Variants in PRKG1 observed in about 807,000 individuals in gnomAD.
PRKG1 encodes cGMP-dependent protein kinase 1.
In PRKG1, 35 loss-of-function variants were observed where a neutral mutation model predicts 88.1. That is an observed-to-expected ratio of 0.40 (90% CI 0.30 to 0.53). PRKG1 has a LOEUF of 0.53. Among genes scored for constraint, PRKG1 ranks in the 20% least tolerant of loss-of-function variants. The pLI is 0.59. For synonymous variants in PRKG1, 303 were observed against 292.5 expected (o/e 1.04, Z -0.37); for missense variants, 540 against 839.8 (o/e 0.64, Z 4.41).
intron 3 of PRKG1, among the ~76,000 whole-genome samples, chr10:51,727,110 T>C (rs1421811385): frequency 6.6e-6 from 1 of 151,894 alleles, no homozygotes; most frequent in African/African-American, 2.4e-5. Flanking sequence ...ACTTCTCAAA[T>C]AAATTCCTCT....
chr10:52,234,278 G>A (rs528927642), intron 9 of PRKG1, among the ~76,000 whole-genome samples: 171 of 152,342 alleles, frequency 1.1e-3, no homozygotes, highest in African/African-American at 3.7e-3. Context: ...CCAAAGGAAC[G>A]CAGTTCCTCA....
chr10:51,053,786 T>G (rs1474524540), intron 1 of PRKG1, among the ~76,000 whole-genome samples: 2 of 151,676 alleles, frequency 1.3e-5, no homozygotes, highest in Admixed American at 1.3e-4. Flanking sequence ...TTGTTTTTTT[T>G]TTTTTTAACT....
At chr10:51,861,646 T>C (rs993910456) in intron 4 of PRKG1, among the ~76,000 whole-genome samples, 1 of 152,212 alleles carries the variant, frequency 6.6e-6, no homozygotes, top group Non-Finnish European at 1.5e-5. Context: ...AGCTATAGAA[T>C]TACAAGTAAC....
intron 2 of PRKG1, among the ~76,000 whole-genome samples, chr10:51,188,210 T>A (rs1048984154): frequency 7.8e-4 from 118 of 152,062 alleles, no homozygotes; most frequent in African/African-American, 2.8e-3. Context: ...TTATAAAGGA[T>A]CTTTTAGTTA....
chr10:51,051,417 T>C (rs1388941087), intron 1 of PRKG1, among the ~76,000 whole-genome samples: 1 of 152,148 alleles, frequency 6.6e-6, no homozygotes, highest in Non-Finnish European at 1.5e-5. Context: ...TGAGTGACTA[T>C]CCTTTCCCCA....
At chr10:51,360,867 A>G (rs1842465353) in intron 2 of PRKG1, among the ~76,000 whole-genome samples, 1 of 151,836 alleles carries the variant, frequency 6.6e-6, no homozygotes, top group African/African-American at 2.4e-5. Context: ...TTTGTCTCTG[A>G]ACAAGTCAAT....
intron 1 of PRKG1, among the ~76,000 whole-genome samples, chr10:51,048,266 C>T (rs773576893): frequency 3.3e-5 from 5 of 151,504 alleles, no homozygotes; most frequent in Non-Finnish European, 7.4e-5. Flanking sequence ...CCCTTTCTTG[C>T]TCCCTCTTTC....
intron 4 of PRKG1, among the ~76,000 whole-genome samples, chr10:51,857,054 G>A: frequency 6.6e-6 from 1 of 151,366 alleles, no homozygotes; most frequent in South Asian, 2.1e-4. Context: ...AACTTCAATT[G>A]TGACTGGGTG....
chr10:51,627,950 C>CTT (rs1166347401), intron 3 of PRKG1, among the ~76,000 whole-genome samples: 2 of 15,048 alleles, frequency 1.3e-4, no homozygotes, highest in Non-Finnish European at 2.0e-4. Context: ...TCCTTTCTTT[C>CTT]TTTCTTTCTT....
chr10:51,877,834 C>T (rs902802157), intron 4 of PRKG1, among the ~76,000 whole-genome samples: 3 of 152,246 alleles, frequency 2.0e-5, no homozygotes, highest in South Asian at 4.1e-4. Flanking sequence ...CCCAACTTCC[C>T]ACCTCATGGT....
intron 2 of PRKG1, among the ~76,000 whole-genome samples, chr10:51,344,045 A>C (rs1340193005): frequency 6.6e-6 from 1 of 152,206 alleles, no homozygotes; most frequent in East Asian, 1.9e-4. Context: ...GTATTAGGTC[A>C]TTCTTGCATT....
chr10:51,858,619 T>C (rs1305982615), intron 4 of PRKG1, among the ~76,000 whole-genome samples: 4 of 149,838 alleles, frequency 2.7e-5, no homozygotes, highest in African/African-American at 9.8e-5. Flanking sequence ...ACTGGTACCA[T>C]AGGGTCCTTT....
intron 7 of PRKG1, among the ~76,000 whole-genome samples, chr10:52,072,112 A>C (rs1846511038): frequency 8.1e-6 from 1 of 123,236 alleles, no homozygotes; most frequent in Non-Finnish European, 1.6e-5. Flanking sequence ...CAGCCTTGGG[A>C]CCCTTCTCTT....
rs1564696257 is a variant in PRKG1, at chr10:51,892,983, AT to A, written c.699-14523del. ...AATTTATTTAATTCCATAAAAATGT[AT>A]ATGATTTTATTTTTGATGCAGGCAT... On this transcript the variant is annotated intron_variant, in intron 4 of 17. Transcript: ENST00000373980. Among the ~76,000 whole-genome samples the A allele has an allele frequency of 4.6e-5, 7 of 152,314 alleles. No individual in the cohort carries two copies. The East Asian group carries it at 1.4e-3, about 29-fold the overall frequency.
At chr10:52,292,070 T>G (rs1048178920) in intron 17 of PRKG1, among the ~76,000 whole-genome samples, 2 of 152,250 alleles carry the variant, frequency 1.3e-5, no homozygotes, top group Non-Finnish European at 2.9e-5. Flanking sequence ...TTTTGAGAAG[T>G]GTCGGTTCAT....
chr10:52,287,904 C>T (rs1842157396), intron 14 of PRKG1, among the ~76,000 whole-genome samples: 1 of 151,960 alleles, frequency 6.6e-6, no homozygotes, highest in South Asian at 2.1e-4. Flanking sequence ...GCTGCAAACT[C>T]TACTCAACTC....
At chr10:51,131,970 T>C (rs1564612588) in intron 1 of PRKG1, among the ~76,000 whole-genome samples, 1 of 152,164 alleles carries the variant, frequency 6.6e-6, no homozygotes, top group African/African-American at 2.4e-5. Context: ...AATGATTGCT[T>C]GATCAAACAT....
intron 1 of PRKG1, among the ~76,000 whole-genome samples, chr10:51,117,977 G>C (rs1255356925): frequency 2.0e-5 from 3 of 152,186 alleles, no homozygotes; most frequent in Non-Finnish European, 4.4e-5. Flanking sequence ...GTCTCTTGAG[G>C]CAGTGATGTC....
Position 52,297,988 on chromosome 10 carries a change from C to T in PRKG1, c.*4088C>T, listed in dbSNP as rs1009161767. On this transcript the variant is annotated 3_prime_UTR_variant, in exon 18 of 18. Coordinates refer to ENST00000373980, the MANE Select transcript of PRKG1 (RefSeq NM_006258.4). ...TGAATCAACAGACAGAGCTCTGGGA[C>T]CTTGGCAATGACTCAGAGGTTGGGG... 15 of 152,266 alleles carry T rather than the reference C, an allele frequency of 9.9e-5. No individual in the cohort carries two copies. Among genetic ancestry groups the T allele is most frequent in the African/African-American group, 3.6e-4 (15 of 41,546 alleles). 9.4% of individuals were successfully genotyped at this position (152,266 alleles called of 1,614,324 possible). A position where few individuals can be genotyped will look rare whatever the true frequency, so the allele number is the denominator to read the frequency against.
Sources: gnomAD v4.1 joint callset for allele counts (sites outside exome capture counted in the v4.1 genomes callset) on GRCh38, gnomAD v4.1.1 for gene constraint, MANE v1.5 for transcripts, NCBI Gene and HGNC (gene_info 2026-07-23, HGNC 2026-07-21) for gene names.